GTF2F2: variants seen among roughly 807,000 people sequenced by gnomAD.
The protein encoded by GTF2F2 is ATP-dependent helicase GTF2F2.
Under a neutral mutation model 42.2 loss-of-function variants are expected in GTF2F2, and 23 were observed. The ratio of observed to expected loss-of-function variants is 0.55; its 90% CI spans 0.39 to 0.77. The LOEUF is 0.77. GTF2F2 is among the 30% of genes least tolerant of loss of function. The pLI is 0.00. For missense variants in GTF2F2, 261 were observed against 287.2 expected (o/e 0.91, Z 0.66); for synonymous variants, 105 against 100.8 (o/e 1.04, Z -0.25).
At chr13:45,223,278 AAAAAAAAAG>A (rs1252497553) in intron 5 of GTF2F2, among the ~76,000 whole-genome samples, 1 of 151,534 alleles carries the variant, frequency 6.6e-6, no homozygotes, top group Non-Finnish European at 1.5e-5. Flanking sequence ...AAAAAAAAAA[AAAAAAAAAG>A]TTGATTTTTA....
At chr13:45,242,876 A>G (rs182332649) in intron 5 of GTF2F2, among the ~76,000 whole-genome samples, 1 of 152,318 alleles carries the variant, frequency 6.6e-6, no homozygotes, top group East Asian at 1.9e-4. Context: ...TCTCTTCCAA[A>G]TCTGCCAGCA....
At chr13:45,145,156 A>C (rs2138111807) in intron 2 of GTF2F2, among the ~76,000 whole-genome samples, 1 of 152,332 alleles carries the variant, frequency 6.6e-6, no homozygotes, top group South Asian at 2.1e-4. Context: ...CAATTCTGTA[A>C]ATTTCTCTTT....
intron 4 of GTF2F2, among the ~76,000 whole-genome samples, chr13:45,167,470 T>C (rs1181427146): frequency 6.7e-6 from 1 of 148,770 alleles, no homozygotes; most frequent in Admixed American, 6.8e-5. Flanking sequence ...CTATCTCAGC[T>C]CACTGCAACC....
chr13:45,227,942 A>C, intron 5 of GTF2F2, among the ~76,000 whole-genome samples: 1 of 152,222 alleles, frequency 6.6e-6, no homozygotes, highest in East Asian at 1.9e-4. Flanking sequence ...TGAAGGCTAG[A>C]AAACAAGGTG....
intron 2 of GTF2F2, among the ~76,000 whole-genome samples, chr13:45,138,353 T>C (rs1010758031): frequency 1.3e-5 from 2 of 152,146 alleles, no homozygotes; most frequent in Non-Finnish European, 2.9e-5. Flanking sequence ...AGGTCCTTAT[T>C]TTCTTTGTGT....
chr13:45,184,715 C>T (rs1276710466), intron 4 of GTF2F2, among the ~76,000 whole-genome samples: 2 of 152,054 alleles, frequency 1.3e-5, no homozygotes, highest in Admixed American at 6.5e-5. Context: ...GGAAAGTCTT[C>T]GGAAAGTTAG....
At chr13:45,200,479 T>C (rs546696945) in intron 4 of GTF2F2, among the ~76,000 whole-genome samples, 3 of 152,264 alleles carry the variant, frequency 2.0e-5, no homozygotes, top group African/African-American at 7.2e-5. Context: ...GCTAACTTTT[T>C]TATCTTTTTG....
chr13:45,248,731 C>T (rs1276681782), intron 5 of GTF2F2, among the ~76,000 whole-genome samples: 2 of 152,204 alleles, frequency 1.3e-5, no homozygotes, highest in Non-Finnish European at 2.9e-5. Flanking sequence ...CTGTCTCTGC[C>T]TCCCAAAGTG....
chr13:45,175,873 C>A (rs953581260), intron 4 of GTF2F2, among the ~76,000 whole-genome samples: 10 of 152,304 alleles, frequency 6.6e-5, no homozygotes, highest in African/African-American at 2.4e-4. Context: ...ATCCGCCCGC[C>A]TCGGCCTCCC....
intron 2 of GTF2F2, among the ~76,000 whole-genome samples, chr13:45,147,777 G>A (rs1870273215): frequency 6.6e-6 from 1 of 152,216 alleles, no homozygotes; most frequent in Non-Finnish European, 1.5e-5. Flanking sequence ...CCATTCACTA[G>A]TGTCAGAAAG....
At chr13:45,274,970 C>T (rs1466913172) in intron 7 of GTF2F2, among the ~76,000 whole-genome samples, 3 of 151,884 alleles carry the variant, frequency 2.0e-5, no homozygotes, top group Admixed American at 6.6e-5. Context: ...GTGCAACCAA[C>T]ACCATAATCA....
intron 5 of GTF2F2, among the ~76,000 whole-genome samples, chr13:45,233,825 A>T (rs1874811612): frequency 6.6e-6 from 1 of 152,228 alleles, no homozygotes; most frequent in African/African-American, 2.4e-5. Flanking sequence ...AGGTGGGAGG[A>T]TCACTTGAGC....
chr13:45,249,379 T>TTA (rs1555271789), intron 5 of GTF2F2, among the ~76,000 whole-genome samples: 2 of 151,130 alleles, frequency 1.3e-5, no homozygotes, highest in Non-Finnish European at 3.0e-5. Context: ...AGTTTATTTT[T>TTA]AAAAAAAAAA....
Position 45,279,260 on chromosome 13 carries a change from A to G in GTF2F2, c.631-4182A>G, listed in dbSNP as rs568038706. Among the ~76,000 whole-genome samples the G allele has an allele frequency of 9.8e-5, 15 of 152,306 alleles. No homozygotes were observed. In the East Asian group the frequency reaches 1.2e-3, roughly 12 times the overall value. The stretch of plus-strand genomic sequence containing the variant: ...ATGTTTGAGTGAATATATGAATGTT[A>G]AAAAGAGAAATAAGATTACCAAGTA... On this transcript the variant is annotated intron_variant, in intron 7 of 7. Coordinates refer to ENST00000340473, the MANE Select transcript of GTF2F2 (RefSeq NM_004128.3).
chr13:45,210,698 A>G (rs1739647408), intron 5 of GTF2F2, among the ~76,000 whole-genome samples: 1 of 152,168 alleles, frequency 6.6e-6, no homozygotes, highest in South Asian at 2.1e-4. Context: ...CTAGTCAGTA[A>G]ATATTTGGTG....
At position 45,174,539 on chromosome 13, in the gene GTF2F2, A is replaced by C. The variant is rs139220639; in HGVS notation, c.304+22708A>C. Among the ~76,000 whole-genome samples the C allele has an allele frequency of 3.9e-3, 578 of 148,618 alleles. 1 individual carries two copies. The highest frequency in any genetic ancestry group is 5.9e-3 in the South Asian group (28 of 4,730). ...TTAAGCCTTTATTCCTCAGTAATAT[A>C]TTTTACTTTGCCTGTTTTTTAGTGT... On this transcript the variant is annotated intron_variant, in intron 4 of 7. Transcript: ENST00000340473.
chr13:45,219,341 G>C (rs1164403642), intron 5 of GTF2F2: 3 of 152,142 alleles, frequency 2.0e-5, no homozygotes, highest in Non-Finnish European at 1.5e-5. Flanking sequence ...GTTTCAAAAG[G>C]TTGCCTGGCT....
At chr13:45,148,838 A>C (rs1032037862) in intron 2 of GTF2F2, among the ~76,000 whole-genome samples, 5 of 152,208 alleles carry the variant, frequency 3.3e-5, no homozygotes, top group Non-Finnish European at 4.4e-5. Context: ...AATACAGTAT[A>C]TAGAAAATAG....
chr13:45,122,877 A>G (rs1347539578), intron 1 of GTF2F2, among the ~76,000 whole-genome samples: 1 of 152,208 alleles, frequency 6.6e-6, no homozygotes, highest in Non-Finnish European at 1.5e-5. Context: ...CTAGACAGGT[A>G]TAGAACTGTG....
Sources: gnomAD v4.1 joint callset for allele counts (sites outside exome capture counted in the v4.1 genomes callset) on GRCh38, gnomAD v4.1.1 for gene constraint, MANE v1.5 for transcripts, NCBI Gene and HGNC (gene_info 2026-07-23, HGNC 2026-07-21) for gene names.